The following PRKG1 variants were observed in gnomAD, a reference collection of about 807,000 sequenced individuals.
PRKG1 encodes the protein protein kinase cGMP-dependent 1.
Under a neutral mutation model 88.1 loss-of-function variants are expected in PRKG1, and 35 were observed. That is an observed-to-expected ratio of 0.40 (90% CI 0.30 to 0.53). PRKG1 has a LOEUF of 0.53. PRKG1 is among the 20% of genes least tolerant of loss of function. PRKG1 has a pLI of 0.59. For missense variants in PRKG1, 540 were observed against 839.8 expected, an observed-to-expected ratio of 0.64 and a Z score of 4.41; for synonymous variants, 303 against 292.5, an observed-to-expected ratio of 1.04 and a Z score of -0.37.
intron 1 of PRKG1, among the ~76,000 whole-genome samples, chr10:51,035,599 G>A (rs1843342874): frequency 6.6e-6 from 1 of 152,104 alleles, no homozygotes; most frequent in Non-Finnish European, 1.5e-5. Context: ...ACTTAGCTCT[G>A]TAGCCTCAGC....
chr10:51,048,081 G>C (rs1387106459), intron 1 of PRKG1, among the ~76,000 whole-genome samples: 1 of 152,150 alleles, frequency 6.6e-6, no homozygotes. Flanking sequence ...CTGTCTTTCA[G>C]AGTTCATGCA....
chr10:52,016,526 T>A (rs1903977), intron 5 of PRKG1, among the ~76,000 whole-genome samples: 52,553 of 152,130 alleles, frequency 0.35, 9,668 homozygotes, highest in Admixed American at 0.4. Flanking sequence ...AATTCCATCA[T>A]TCTAAAGTCT....
At chr10:51,452,391 A>G (rs1172692952) in intron 2 of PRKG1, among the ~76,000 whole-genome samples, 4 of 151,896 alleles carry the variant, frequency 2.6e-5, no homozygotes, top group African/African-American at 9.7e-5. Context: ...GAATGCTTTC[A>G]ACTTTTCCCC....
chr10:51,017,945 C>T (rs569573178), intron 1 of PRKG1, among the ~76,000 whole-genome samples: 54 of 151,810 alleles, frequency 3.6e-4, no homozygotes, highest in Middle Eastern at 6.8e-3. Flanking sequence ...ACCACAGGTG[C>T]GTGGGACCAC....
chr10:52,196,581 T>C (rs1447969174), intron 9 of PRKG1, among the ~76,000 whole-genome samples: 1 of 152,182 alleles, frequency 6.6e-6, no homozygotes, highest in East Asian at 1.9e-4. Context: ...ATACTCATTT[T>C]GGTTAGATGA....
At chr10:51,871,630 CAT>C (rs1841161216) in intron 4 of PRKG1, among the ~76,000 whole-genome samples, 1 of 152,196 alleles carries the variant, frequency 6.6e-6, no homozygotes, top group Non-Finnish European at 1.5e-5. Context: ...CATACAAATA[CAT>C]AGTCCATCCC....
intron 2 of PRKG1, among the ~76,000 whole-genome samples, chr10:51,331,198 C>T (rs923855939): frequency 6.6e-6 from 1 of 152,088 alleles, no homozygotes; most frequent in African/African-American, 2.4e-5. Flanking sequence ...CTAGAAACAT[C>T]GGTCAGAGGT....
At chr10:51,319,991 G>A (rs1841413958) in intron 2 of PRKG1, 2 of 228,760 alleles carry the variant, frequency 8.7e-6, no homozygotes, top group South Asian at 8.6e-5. Flanking sequence ...GCTCACAGTG[G>A]TGCCACCAAA....
intron 4 of PRKG1, among the ~76,000 whole-genome samples, chr10:51,820,251 AT>A (rs1384931801): frequency 1.3e-5 from 2 of 152,278 alleles, no homozygotes; most frequent in Non-Finnish European, 2.9e-5. Flanking sequence ...GTTGCTGATA[AT>A]TTAATATTAT....
At chr10:52,089,243 A>ACAACTAG (rs1846991807) in intron 7 of PRKG1, among the ~76,000 whole-genome samples, 1 of 152,218 alleles carries the variant, frequency 6.6e-6, no homozygotes, top group South Asian at 2.1e-4. Context: ...ATGGAATTCA[A>ACAACTAG]CAACTAGCAA....
intron 9 of PRKG1, among the ~76,000 whole-genome samples, chr10:52,215,030 GT>G (rs1407760547): frequency 8.4e-6 from 1 of 118,834 alleles, no homozygotes; most frequent in Non-Finnish European, 1.7e-5. Flanking sequence ...AATGATAAAA[GT>G]TTTTTCAAAA....
chr10:51,185,568 A>G (rs1262545996), intron 2 of PRKG1, among the ~76,000 whole-genome samples: 1 of 152,188 alleles, frequency 6.6e-6, no homozygotes, highest in East Asian at 1.9e-4. Flanking sequence ...GTAGAAAGTC[A>G]CTATTTTGTT....
intron 1 of PRKG1, among the ~76,000 whole-genome samples, chr10:51,088,374 T>C (rs1336005550): frequency 2.0e-5 from 3 of 149,302 alleles, no homozygotes; most frequent in Admixed American, 6.8e-5. Flanking sequence ...AATAAAAATT[T>C]CTATGGATTG....
chr10:51,209,664 A>T lies in PRKG1; in HGVS notation c.478+56334A>T, dbSNP rs569448994. On this transcript the variant is annotated intron_variant, in intron 2 of 17. Coordinates refer to ENST00000373980, the MANE Select transcript of PRKG1 (RefSeq NM_006258.4). ...TATTCTTGCTGCATTTTGCCATTTT[A>T]CTAGGAAGAGATAATTATCACAAAG... Among the ~76,000 whole-genome samples, 29 of 152,242 alleles carry T rather than the reference A, an allele frequency of 1.9e-4. No individual in the cohort carries two copies. The South Asian group carries it at 5.6e-3, about 29-fold the overall frequency.
In PRKG1 at chr10:51,623,127, A is replaced by G. The variant is rs566847387; in HGVS notation, c.592+155291A>G. Among the ~76,000 whole-genome samples the G allele has an allele frequency of 1.3e-3, 200 of 152,350 alleles. 2 individuals are homozygous for G. In the Middle Eastern group the frequency reaches 0.037, roughly 29 times the overall value. On this transcript the variant is annotated intron_variant, in intron 3 of 17. Coordinates refer to ENST00000373980, the MANE Select transcript of PRKG1 (RefSeq NM_006258.4). ...AACAGATCACATTGATATCTATTTTAGGTTTCTCATAAAGCTATGTGGGGA... is the reference window on the plus strand; with the variant it reads ...AACAGATCACATTGATATCTATTTTGGGTTTCTCATAAAGCTATGTGGGGA...
intron 3 of PRKG1, among the ~76,000 whole-genome samples, chr10:51,554,701 A>AG (rs386371350): frequency 4.7e-5 from 7 of 150,298 alleles, no homozygotes; most frequent in Admixed American, 1.3e-4. Context: ...AGGGGAAAAA[A>AG]GTACAATATT....
intron 5 of PRKG1, among the ~76,000 whole-genome samples, chr10:52,020,847 ATT>A (rs139735106): frequency 0.017 from 2,582 of 152,008 alleles, 44 homozygotes; most frequent in South Asian, 0.055. Flanking sequence ...AGTACCTGAG[ATT>A]TTATTGGAAG....
intron 3 of PRKG1, among the ~76,000 whole-genome samples, chr10:51,774,694 T>C (rs1288981413): frequency 6.6e-6 from 1 of 152,142 alleles, no homozygotes; most frequent in African/African-American, 2.4e-5. Context: ...TTTAAGCAGT[T>C]ACTTTAAAAA....
At chr10:51,947,692 G>T (rs1045826742) in intron 5 of PRKG1, among the ~76,000 whole-genome samples, 1 of 152,158 alleles carries the variant, frequency 6.6e-6, no homozygotes, top group African/African-American at 2.4e-5. Flanking sequence ...AGCCCTGGGT[G>T]TTGTGGTGTT....
Sources: allele counts gnomAD v4.1 joint callset (sites outside exome capture counted in the v4.1 genomes callset), GRCh38; gene constraint gnomAD v4.1.1; transcripts MANE v1.5; gene names NCBI Gene and HGNC (gene_info 2026-07-23, HGNC 2026-07-21).